Variants in SLC6A11 observed in about 807,000 individuals in gnomAD.
SLC6A11 encodes the protein solute carrier family 6 member 11, also known as sodium- and chloride-dependent GABA transporter 3.
Under a neutral mutation model 74.8 loss-of-function variants are expected in SLC6A11, and 25 were observed. The observed-to-expected ratio is 0.33, with a 90% CI of 0.24 to 0.47. The LOEUF (loss-of-function observed/expected upper bound fraction) is 0.47. SLC6A11 is among the 20% of genes least tolerant of loss of function. SLC6A11 has a pLI of 1.00. For synonymous variants in SLC6A11, 330 were observed against 330.2 expected (o/e 1.00, Z 0.01); for missense variants, 574 against 837.0 (o/e 0.69, Z 3.88).
At chr3:10,823,556 T>A (rs1694165543) in intron 4 of SLC6A11, 164 bp downstream of exon 4, 1 of 587,538 alleles carries the variant, frequency 1.7e-6, no homozygotes, top group African/African-American at 1.9e-5. Context: ...AGTGCAGATC[T>A]TCAGAGGTTT....
At chr3:10,900,614 C>G (rs2106620120) in intron 6 of SLC6A11, among the ~76,000 whole-genome samples, 1 of 152,332 alleles carries the variant, frequency 6.6e-6, no homozygotes, top group Middle Eastern at 3.4e-3. Context: ...TTTGGCTTCT[C>G]CAGGGCATGG....
chr3:10,868,358 A>G (rs1559565023), intron 5 of SLC6A11, among the ~76,000 whole-genome samples: 2 of 152,170 alleles, frequency 1.3e-5, no homozygotes, highest in South Asian at 2.1e-4. Flanking sequence ...TGATCAGACA[A>G]TCTCCTTGCT....
intron 6 of SLC6A11, among the ~76,000 whole-genome samples, chr3:10,901,717 C>T (rs1308276308): frequency 6.6e-6 from 1 of 152,210 alleles, no homozygotes; most frequent in East Asian, 1.9e-4. Flanking sequence ...TTGAATCCCT[C>T]TCCCAGACTC....
intron 5 of SLC6A11, among the ~76,000 whole-genome samples, chr3:10,851,202 C>T (rs972398337): frequency 6.6e-6 from 1 of 152,010 alleles, no homozygotes; most frequent in Non-Finnish European, 1.5e-5. Context: ...GGATTTTTCC[C>T]CCTCATTTCC....
Position 10,892,388 on chromosome 3 carries a change from C to T in SLC6A11, c.891+17293C>T, listed in dbSNP as rs978283997. 2.6e-5 allele frequency among the ~76,000 whole-genome samples: 4 copies of T among 152,188 alleles called. No individual in the cohort carries two copies. The South Asian group carries it at 8.3e-4, about 32-fold the overall frequency. On this transcript the variant is annotated intron_variant, in intron 6 of 13. Transcript: ENST00000254488. ...GTGCTGCTCAGCCTCCTATGCTGTA[C>T]CCATCTCGGTCCTTCATGCCCCACT...
At chr3:10,904,401 C>T (rs1211236799) in intron 6 of SLC6A11, among the ~76,000 whole-genome samples, 2 of 152,170 alleles carry the variant, frequency 1.3e-5, no homozygotes, top group African/African-American at 4.8e-5. Flanking sequence ...AAAGGGGCCC[C>T]ACTCCCCTGT....
chr3:10,937,529 G>GC lies in SLC6A11; in HGVS notation c.1747-715dup, dbSNP rs1232235169. Among the ~76,000 whole-genome samples the GC allele has an allele frequency of 3.3e-5, 5 of 152,280 alleles. No homozygotes were observed. The South Asian group carries it at 8.3e-4, about 25-fold the overall frequency. Reference sequence around the variant, plus strand: ...GGGAAATGGTTTATGCCCAGAAAGGGCCCCCCAGATCCCAGCCTGGAGTCT... The same window carrying GC: ...GGGAAATGGTTTATGCCCAGAAAGGGCCCCCCCAGATCCCAGCCTGGAGTCT... On this transcript the variant is annotated intron_variant, in intron 13 of 13. Coordinates refer to ENST00000254488, the MANE Select transcript of SLC6A11 (RefSeq NM_014229.3).
chr3:10,883,509 G>A (rs1466518754), intron 6 of SLC6A11, among the ~76,000 whole-genome samples: 1 of 152,156 alleles, frequency 6.6e-6, no homozygotes, highest in African/African-American at 2.4e-5. Context: ...CTCTGTGCAG[G>A]GAACTGGAGC....
intron 6 of SLC6A11, among the ~76,000 whole-genome samples, chr3:10,882,488 T>C (rs1261705917): frequency 6.6e-6 from 1 of 152,182 alleles, no homozygotes; most frequent in African/African-American, 2.4e-5. Flanking sequence ...CACTAGGATG[T>C]ACGCCCCATG....
At chr3:10,826,643 A>G (rs11927738) in intron 4 of SLC6A11, among the ~76,000 whole-genome samples, 1,982 of 152,312 alleles carry the variant, frequency 0.013, 29 homozygotes, top group African/African-American at 0.045. Flanking sequence ...TTGCCAGGCT[A>G]TGGAAGGCCC....
chr3:10,884,084 T>C (rs1316395007), intron 6 of SLC6A11, among the ~76,000 whole-genome samples: 2 of 152,204 alleles, frequency 1.3e-5, no homozygotes, highest in African/African-American at 2.4e-5. Flanking sequence ...CTGACAGGTG[T>C]ACTCCTTCCA....
intron 6 of SLC6A11, among the ~76,000 whole-genome samples, chr3:10,896,686 C>T (rs1575693532): frequency 6.6e-6 from 1 of 152,212 alleles, no homozygotes; most frequent in Non-Finnish European, 1.5e-5. Context: ...GCTCGACTTT[C>T]TTTTTCCTCA....
intron 5 of SLC6A11, among the ~76,000 whole-genome samples, chr3:10,852,195 G>A (rs761233142): frequency 2.1e-4 from 32 of 152,236 alleles, no homozygotes; most frequent in Non-Finnish European, 4.1e-4. Context: ...CTCTCCCAGC[G>A]GCCAGGGCCG....
chr3:10,929,157 G>A, intron 9 of SLC6A11, 45 bp from the exon 10 acceptor site: 4 of 1,603,838 alleles, frequency 2.5e-6, no homozygotes, highest in Non-Finnish European at 3.4e-6. Context: ...GCCACCAGGA[G>A]CAGCCTTGTC....
intron 5 of SLC6A11, among the ~76,000 whole-genome samples, chr3:10,858,096 A>AT (rs1171849834): frequency 6.6e-6 from 1 of 152,238 alleles, no homozygotes; most frequent in Non-Finnish European, 1.5e-5. Context: ...CACGAATGCA[A>AT]TAGCTGGAAT....
intron 5 of SLC6A11, among the ~76,000 whole-genome samples, chr3:10,867,549 C>T (rs571436253): frequency 2.0e-5 from 3 of 152,318 alleles, no homozygotes; most frequent in South Asian, 2.1e-4. Flanking sequence ...AACCCAAATC[C>T]GTGTCAGGAC....
In SLC6A11 at chr3:10,869,263, A is replaced by G. The variant is rs116742831; in HGVS notation, c.757-5698A>G. On this transcript the variant is annotated intron_variant, in intron 5 of 13. Coordinates refer to ENST00000254488, the MANE Select transcript of SLC6A11 (RefSeq NM_014229.3). The stretch of plus-strand genomic sequence containing the variant: ...GAATGACAGGGGTGATGAATGTGGG[A>G]TGGGGCTCAGGGAGGACGGGGCAAT... Among the ~76,000 whole-genome samples, 794 of 152,286 alleles carry G rather than the reference A, an allele frequency of 5.2e-3. 8 individuals carry two copies. The highest frequency in any genetic ancestry group is 0.018 in the African/African-American group (748 of 41,554).
intron 7 of SLC6A11, among the ~76,000 whole-genome samples, chr3:10,914,105 C>T (rs994361727): frequency 6.6e-6 from 1 of 152,186 alleles, no homozygotes. Context: ...TGGAATTAAC[C>T]ACCACATCAC....
In SLC6A11 at chr3:10,918,503, G is replaced by C; in HGVS notation, c.1120+50G>C. On this transcript the variant is annotated intron_variant, in intron 8 of 13. Transcript: ENST00000254488. The surrounding 1 kb of genome is among the most constrained non-coding windows in gnomAD (Gnocchi z 4.5). ...GAAAAGGCGGCAAGGGAGGCCAGGA[G>C]TGATGGTCATCATGGAAATGCGATC... 6.4e-7 allele frequency: 1 copy of C among 1,566,166 alleles called. No individual in the cohort carries two copies. The highest frequency in any genetic ancestry group is 1.2e-5 in the South Asian group (1 of 84,502).
Sources: allele counts gnomAD v4.1 joint callset (sites outside exome capture counted in the v4.1 genomes callset), GRCh38; gene constraint gnomAD v4.1.1; non-coding constraint Gnocchi (gnomAD v3.1); transcripts MANE v1.5; gene names NCBI Gene and HGNC (gene_info 2026-07-23, HGNC 2026-07-21).